Variants in TTC29 observed in about 807,000 individuals in gnomAD.
TTC29 encodes tetratricopeptide repeat protein 29.
A neutral mutation model predicts 58.1 loss-of-function variants in TTC29; 49 were observed. The ratio of observed to expected loss-of-function variants is 0.84; its 90% CI spans 0.67 to 1.07. The LOEUF is 1.07. TTC29 is among the 50% of genes least tolerant of loss of function. TTC29 has a pLI of 0.00. For missense variants in TTC29, 582 were observed against 555.6 expected (o/e 1.05, Z -0.48); for synonymous variants, 209 against 196.8 (o/e 1.06, Z -0.52).
chr4:146,753,664 A>T (rs372552233), intron 11 of TTC29, among the ~76,000 whole-genome samples: 2 of 152,212 alleles, frequency 1.3e-5, no homozygotes, highest in Non-Finnish European at 2.9e-5. Context: ...CAAATGTCCA[A>T]CAATGATAGA....
At chr4:146,805,433 T>A (rs1485337546) in intron 10 of TTC29, among the ~76,000 whole-genome samples, 1 of 151,612 alleles carries the variant, frequency 6.6e-6, no homozygotes, top group African/African-American at 2.4e-5. Flanking sequence ...TAATAAAAAA[T>A]CCCTCCGAGC....
chr4:146,855,359 G>A (rs1486048471), intron 8 of TTC29, among the ~76,000 whole-genome samples: 1 of 152,196 alleles, frequency 6.6e-6, no homozygotes, highest in African/African-American at 2.4e-5. Context: ...CTTGAACCCA[G>A]GAGGTGGAGG....
chr4:146,909,270 ACT>A (rs1467300298), intron 4 of TTC29, 21 bp from the exon 5 acceptor site: 11 of 1,551,192 alleles, frequency 7.1e-6, no homozygotes, highest in East Asian at 2.3e-5. Context: ...GAATCAGAAC[ACT>A]CTCAGGTTTA....
chr4:146,864,326 G>A (rs111898188), intron 8 of TTC29, among the ~76,000 whole-genome samples: 2 of 151,954 alleles, frequency 1.3e-5, no homozygotes, highest in African/African-American at 4.8e-5. Flanking sequence ...CTGTTACCAA[G>A]TCCTTTATAA....
At chr4:146,898,661 G>A (rs979995395) in intron 6 of TTC29, among the ~76,000 whole-genome samples, 5 of 152,194 alleles carry the variant, frequency 3.3e-5, no homozygotes, top group African/African-American at 1.2e-4. Flanking sequence ...ACTTGGGGTT[G>A]TCACCAATCA....
intron 9 of TTC29, among the ~76,000 whole-genome samples, chr4:146,827,557 T>A (rs1304954170): frequency 2.0e-5 from 3 of 152,204 alleles, no homozygotes; most frequent in Non-Finnish European, 4.4e-5. Flanking sequence ...ATGGTGGAAT[T>A]TAGAAAGATG....
At chr4:146,919,355 G>C (rs748540720) in intron 4 of TTC29, among the ~76,000 whole-genome samples, 9 of 151,024 alleles carry the variant, frequency 6.0e-5, no homozygotes, top group Non-Finnish European at 1.0e-4. Context: ...CTTTTAAATT[G>C]AGTTATAATG....
chr4:146,937,990 G>A (rs547413014), intron 3 of TTC29, among the ~76,000 whole-genome samples: 31 of 152,182 alleles, frequency 2.0e-4, no homozygotes, highest in African/African-American at 7.2e-4. Flanking sequence ...TTTTTTCGTG[G>A]TGTAACTTTC....
chr4:146,915,521 C>T (rs1734164920), intron 4 of TTC29, among the ~76,000 whole-genome samples: 1 of 151,772 alleles, frequency 6.6e-6, no homozygotes, highest in Non-Finnish European at 1.5e-5. Context: ...GGTGTAAACT[C>T]TAACGGGAAA....
intron 4 of TTC29, among the ~76,000 whole-genome samples, chr4:146,913,888 T>C (rs981749441): frequency 1.3e-5 from 2 of 152,192 alleles, no homozygotes; most frequent in African/African-American, 4.8e-5. Flanking sequence ...CTGATATCAA[T>C]TTTTAAAATT....
chr4:146,856,161 T>C (rs1223523381), intron 8 of TTC29, among the ~76,000 whole-genome samples: 2 of 152,186 alleles, frequency 1.3e-5, no homozygotes. Context: ...TTCATCCTCT[T>C]AGGATGCGCT....
chr4:146,943,607 C>T (rs745936866), intron 2 of TTC29, among the ~76,000 whole-genome samples: 1 of 152,098 alleles, frequency 6.6e-6, no homozygotes, highest in Non-Finnish European at 1.5e-5. Flanking sequence ...TACGTGGCCA[C>T]ATAAGGTATT....
At position 146,825,352 on chromosome 4, in the gene TTC29, G is replaced by A. The variant is rs113644894; in HGVS notation, c.978-5104C>T. Reference sequence around the variant, plus strand: ...ACTTCTTAATCTCCATCCTAATTTCGTTATTTATCCAGTAGTCATTCAGGA... The same window carrying A: ...ACTTCTTAATCTCCATCCTAATTTCATTATTTATCCAGTAGTCATTCAGGA... On this transcript the variant is annotated intron_variant, in intron 9 of 12. Coordinates refer to ENST00000325106, the MANE Select transcript of TTC29 (RefSeq NM_031956.4). Among the ~76,000 whole-genome samples the A allele has an allele frequency of 4.0e-3, 616 of 152,112 alleles. 6 individuals carry two copies. The highest frequency in any genetic ancestry group is 0.014 in the African/African-American group (585 of 41,494).
At chr4:146,844,057 A>G (rs990637266) in intron 8 of TTC29, among the ~76,000 whole-genome samples, 1 of 152,216 alleles carries the variant, frequency 6.6e-6, no homozygotes, top group East Asian at 1.9e-4. Flanking sequence ...AGAAGTTTTT[A>G]ATAATTTGAT....
chr4:146,881,255 C>T (rs1731606832), intron 6 of TTC29, among the ~76,000 whole-genome samples: 1 of 152,060 alleles, frequency 6.6e-6, no homozygotes, highest in African/African-American at 2.4e-5. Flanking sequence ...TCGACTTGTA[C>T]ATTTGCCAGT....
intron 11 of TTC29, among the ~76,000 whole-genome samples, chr4:146,732,209 T>C (rs1451973822): frequency 6.6e-6 from 1 of 152,182 alleles, no homozygotes; most frequent in Non-Finnish European, 1.5e-5. Context: ...CTGTTCTTTG[T>C]AAATTTTACT....
chr4:146,918,389 TTCTC>T (rs1734374825), intron 4 of TTC29, among the ~76,000 whole-genome samples: 1 of 151,118 alleles, frequency 6.6e-6, no homozygotes, highest in South Asian at 2.1e-4. Context: ...TCAGTAAAGA[TTCTC>T]TCAATAGCCT....
At chr4:146,755,297 C>T (rs1746357540) in intron 11 of TTC29, among the ~76,000 whole-genome samples, 4 of 152,122 alleles carry the variant, frequency 2.6e-5, no homozygotes, top group Non-Finnish European at 5.9e-5. Context: ...TCCATACTAT[C>T]TAAGCAATAT....
At chr4:146,804,423 G>A (rs562359151) in intron 10 of TTC29, among the ~76,000 whole-genome samples, 8 of 152,250 alleles carry the variant, frequency 5.3e-5, no homozygotes, top group African/African-American at 1.9e-4. Flanking sequence ...AAGCCAGGGA[G>A]CCAAGTGATC....
Sources: gnomAD v4.1 joint callset for allele counts (sites outside exome capture counted in the v4.1 genomes callset) on GRCh38, gnomAD v4.1.1 for gene constraint, MANE v1.5 for transcripts, NCBI Gene and HGNC (gene_info 2026-07-23, HGNC 2026-07-21) for gene names.